GAL3ST3: variants seen among roughly 807,000 people sequenced by gnomAD.
GAL3ST3 encodes galactose-3-O-sulfotransferase 3, also known as beta-galactose-3-O-sulfotransferase 3.
GAL3ST3 carries 21 observed loss-of-function variants against 20.8 expected under a neutral mutation model. The ratio of observed to expected loss-of-function variants is 1.01; its 90% CI spans 0.72 to 1.45. The LOEUF (loss-of-function observed/expected upper bound fraction) is 1.45, where lower values mean the gene tolerates loss of function less well. Among genes scored for constraint, GAL3ST3 ranks in the 40% most tolerant of loss-of-function variants. The probability of loss-of-function intolerance (pLI) is 0.00; values close to 1 mark genes in which losing one functional copy is unlikely to be tolerated. For missense variants in GAL3ST3, 739 were observed against 662.7 expected, an observed-to-expected ratio of 1.12 and a Z score of -1.26; for synonymous variants, 355 against 307.2, an observed-to-expected ratio of 1.16 and a Z score of -1.63.
In GAL3ST3 at chr11:66,042,698, G is replaced by A; in HGVS notation, c.1105C>T (p.Leu369=). The change falls in exon 3 of 3, where the codon CTG becomes TTG. Residue 369 remains leucine, a synonymous_variant. Transcript: ENST00000312006. ...GCCGGGCCGGCGCCGCCGCCGGGCA[G>A]GTCATAGCCCATAATGTCCACCTTG... ...SRKVDIMGYD[L]PGGGAGPATE... is the part of the protein sequence containing the mutation. The A allele has an allele frequency of 3.3e-6, 5 of 1,534,104 alleles. No individual in the cohort carries two copies. The highest frequency in any genetic ancestry group is 2.5e-5 in the East Asian group (1 of 40,790).
rs1011055536 is a variant in GAL3ST3, at chr11:66,040,884, C to T, written c.*1623G>A. Among the ~76,000 whole-genome samples, 3 of 152,162 alleles carry T rather than the reference C, an allele frequency of 2.0e-5. No homozygotes were observed. The highest frequency in any genetic ancestry group is 6.5e-5 in the Admixed American group (1 of 15,270). On this transcript the variant is annotated 3_prime_UTR_variant, in exon 3 of 3. Transcript: ENST00000312006. ...AAAGTGGGGTGCCATACAAACAGTC[C>T]CTTTTCAAGCCCAGCGTGTCATGCA...
chr11:66,042,917 C>A lies in GAL3ST3; in HGVS notation c.886G>T (p.Gly296Cys). The change falls in exon 3 of 3, where the codon GGC becomes TGC. Residue 296 changes from glycine (G) to cysteine (C), a missense_variant. By Grantham distance (159) the Gly-to-Cys change is radical (BLOSUM62 -3). Coordinates refer to ENST00000312006, the MANE Select transcript of GAL3ST3 (RefSeq NM_033036.3). Reference protein sequence around the residue: ...AARTWNALDAGLYDHFNATFW... With the variant: ...AARTWNALDACLYDHFNATFW... Reference sequence around the variant, plus strand: ...GTGGCGTTGAAGTGGTCGTAGAGGCCGGCGTCCAGGGCGTTCCAGGTGCGC... The same window carrying A: ...GTGGCGTTGAAGTGGTCGTAGAGGCAGGCGTCCAGGGCGTTCCAGGTGCGC... 8.2e-7 allele frequency: 1 copy of A among 1,226,962 alleles called. No homozygotes were observed. 76.0% of individuals were successfully genotyped at this position (1,226,962 alleles called of 1,614,324 possible).
Position 66,043,360 on chromosome 11 carries a change from A to G in GAL3ST3, c.443T>C (p.Val148Ala). Reference sequence around the variant, plus strand: ...GGCGGCCGGCTCGCGCAGGATGGTGACATAGACGGTGCTGGGCGGCATGAG... The same window carrying G: ...GGCGGCCGGCTCGCGCAGGATGGTGGCATAGACGGTGCTGGGCGGCATGAG... ...ERLMPPSTVY[V>A]TILREPAAMF... is the part of the protein sequence containing the mutation. The change falls in exon 3 of 3, where the codon GTC becomes GCC. Residue 148 changes from valine to alanine, a missense_variant. Physicochemically the swap from Val to Ala is moderately conservative, Grantham distance 64 (BLOSUM62 0). Coordinates refer to ENST00000312006, the MANE Select transcript of GAL3ST3 (RefSeq NM_033036.3). The G allele has an allele frequency of 6.2e-7, 1 of 1,610,190 alleles. No homozygotes were observed. Among genetic ancestry groups the G allele is most frequent in the Non-Finnish European group, 8.5e-7 (1 of 1,178,606 alleles).
chr11:66,045,859 G>C (rs927358116), intron 1 of GAL3ST3, among the ~76,000 whole-genome samples: 1 of 152,144 alleles, frequency 6.6e-6, no homozygotes, highest in African/African-American at 2.4e-5. Context: ...TAGCGCCAGG[G>C]CTTGGCTCAG....
rs759448535 is a variant in GAL3ST3 at position 66,042,475 on chromosome 11, G to A, written c.*32C>T. The A allele has an allele frequency of 9.3e-5, 132 of 1,426,114 alleles. No individual in the cohort carries two copies. Among genetic ancestry groups the A allele is most frequent in the Middle Eastern group, 2.4e-4 (1 of 4,156 alleles). The allele number at this position is 1,426,114 out of a possible 1,614,324, so 88.3% of individuals were successfully genotyped here. On this transcript the variant is annotated 3_prime_UTR_variant, in exon 3 of 3. Coordinates refer to ENST00000312006, the MANE Select transcript of GAL3ST3 (RefSeq NM_033036.3). ...CTGGCTGGACTCCTGGGAGGGCAGG[G>A]CAGGACCCATACTCCTGGAGGCCTG...
intron 1 of GAL3ST3, among the ~76,000 whole-genome samples, chr11:66,047,813 G>A (rs1856797690): frequency 6.6e-6 from 1 of 152,164 alleles, no homozygotes; most frequent in Non-Finnish European, 1.5e-5. Flanking sequence ...CCCTCCTAGA[G>A]CACATAGAAC....
chr11:66,042,760 A>C lies in GAL3ST3; in HGVS notation c.1043T>G (p.Ile348Ser), dbSNP rs1856722391. 6.5e-7 allele frequency: 1 copy of C among 1,529,098 alleles called. No homozygotes were observed. Among genetic ancestry groups the C allele is most frequent in the Non-Finnish European group, 8.7e-7 (1 of 1,144,042 alleles). The allele number at this position is 1,529,098 out of a possible 1,614,324, so 94.7% of individuals were successfully genotyped here. A position where few individuals can be genotyped will look rare whatever the true frequency, so the allele number is the denominator to read the frequency against. ...DEPLLRPAAQIRTKQLQPWQP... is the reference protein window; with the variant it reads ...DEPLLRPAAQSRTKQLQPWQP... ...CCACGGCTGCAGCTGCTTGGTGCGG[A>C]TCTGCGCGGCAGGCCGCAGCAGTGG... Residue 348 changes from isoleucine (I) to serine (S), a missense_variant, in exon 3 of 3, where the codon ATC becomes AGC. Physicochemically the swap from Ile to Ser is moderately radical, Grantham distance 142. Transcript: ENST00000312006.
chr11:66,042,583 G>A lies in GAL3ST3; in HGVS notation c.1220C>T (p.Ala407Val), dbSNP rs929456424. ...ATTGTCCAGGACGGGCTCGGGCCGA[G>A]CCCGCGCACCGCCCCGGCGCTTCTG... ...RKQKRRGGAR[A>V]RPEPVLDNPP... Residue 407 changes from alanine to valine, a missense_variant, in exon 3 of 3, where the codon GCT becomes GTT. Transcript: ENST00000312006. 5 of 1,534,294 alleles carry A rather than the reference G, an allele frequency of 3.3e-6. No homozygotes were observed. The African/African-American group carries it at 6.9e-5, about 21-fold the overall frequency.
rs1856803111 is a variant in GAL3ST3, at chr11:66,048,345, C to T, written c.-113+666G>A. ...AGCCGACCAAAGCTTTGAAAATGGGCCGGGGTGCCCACCCTCCTAAAGGAG... is the reference window on the plus strand; with the variant it reads ...AGCCGACCAAAGCTTTGAAAATGGGTCGGGGTGCCCACCCTCCTAAAGGAG... On this transcript the variant is annotated intron_variant, in intron 1 of 2. Coordinates refer to ENST00000312006, the MANE Select transcript of GAL3ST3 (RefSeq NM_033036.3). Among the ~76,000 whole-genome samples, 7 of 152,252 alleles carry T rather than the reference C, an allele frequency of 4.6e-5. No individual in the cohort carries two copies. In the South Asian group the frequency reaches 1.5e-3, roughly 32 times the overall value.
rs772531925 is a variant in GAL3ST3, at chr11:66,043,476, G to A, written c.327C>T (p.Arg109=). ...GGTGCACGAAGTGCGCCGAGAAGTTGCGGGGGTAGCAGAACTGGTGCTCGC... is the reference window on the plus strand; with the variant it reads ...GGTGCACGAAGTGCGCCGAGAAGTTACGGGGGTAGCAGAACTGGTGCTCGC... ...PSCEHQFCYP[R]NFSAHFVHPA... is the part of the protein sequence containing the mutation. Residue 109 remains arginine (R), a synonymous_variant, in exon 3 of 3, where the codon CGC becomes CGT. Coordinates refer to ENST00000312006, the MANE Select transcript of GAL3ST3 (RefSeq NM_033036.3). 2 of 1,610,272 alleles carry A rather than the reference G, an allele frequency of 1.2e-6. No homozygotes were observed.
At position 66,043,212 on chromosome 11, in the gene GAL3ST3, G is replaced by A. The variant is rs1427921003; in HGVS notation, c.591C>T (p.Phe197=). The part of the protein sequence containing the change: ...PEAYYRAGEH[F]AMFAHNTLAY... Reference sequence around the variant, plus strand: ...CCAGCGTGTTGTGTGCGAACATGGCGAAGTGCTCGCCAGCGCGGTAGTATG... The same window carrying A: ...CCAGCGTGTTGTGTGCGAACATGGCAAAGTGCTCGCCAGCGCGGTAGTATG... The change falls in exon 3 of 3, where the codon TTC becomes TTT. Residue 197 remains phenylalanine, a synonymous_variant. Transcript: ENST00000312006. The A allele has an allele frequency of 2.5e-6, 4 of 1,612,298 alleles. No homozygotes were observed. Among genetic ancestry groups the A allele is most frequent in the Non-Finnish European group, 3.4e-6 (4 of 1,179,494 alleles).
intron 1 of GAL3ST3, among the ~76,000 whole-genome samples, chr11:66,047,505 A>G (rs868588074): frequency 4.6e-5 from 7 of 152,160 alleles, no homozygotes; most frequent in South Asian, 4.2e-4. Flanking sequence ...ACTTCCCTAC[A>G]TGGCTGAGCT....
chr11:66,045,211 G>GCAAAGCC, intron 2 of GAL3ST3, 80 bp downstream of exon 2: 16 of 1,279,228 alleles, frequency 1.3e-5, no homozygotes, highest in Non-Finnish European at 1.7e-5. Flanking sequence ...GAGGGGAGGA[G>GCAAAGCC]CAAAGCCTAG....
At position 66,043,412 on chromosome 11, in the gene GAL3ST3, G is replaced by C; in HGVS notation, c.391C>G (p.Arg131Gly). The C allele has an allele frequency of 1.9e-6, 3 of 1,609,946 alleles. No individual in the cohort carries two copies. The highest frequency in any genetic ancestry group is 1.7e-6 in the Non-Finnish European group (2 of 1,178,504). Residue 131 changes from arginine to glycine, a missense_variant, in exon 3 of 3, where the codon CGC (arginine) becomes GGC (glycine). Arg to Gly is a moderately radical substitution (Grantham distance 125). Transcript: ENST00000312006. ...RPPHVLASHL[R>G]FDRAELERLM... Reference sequence around the variant, plus strand: ...CGCTCCAGCTCCGCACGGTCGAAGCGCAGGTGGCTGGCCAGCACGTGCGGC... The same window carrying C: ...CGCTCCAGCTCCGCACGGTCGAAGCCCAGGTGGCTGGCCAGCACGTGCGGC...
At position 66,045,427 on chromosome 11, in the gene GAL3ST3, C is replaced by A; in HGVS notation, c.-12G>T. 2 of 1,584,606 alleles carry A rather than the reference C, an allele frequency of 1.3e-6. No homozygotes were observed. Among genetic ancestry groups the A allele is most frequent in the Non-Finnish European group, 1.7e-6 (2 of 1,165,658 alleles). ...AGGATGGGTGGCATGGCGGAGTACC[C>A]ACCCCTGGACCAGCCAGGGCCTCAC... On this transcript the variant is annotated 5_prime_UTR_variant, in exon 2 of 3. Coordinates refer to ENST00000312006, the MANE Select transcript of GAL3ST3 (RefSeq NM_033036.3).
In GAL3ST3 at chr11:66,042,321, C is replaced by T. The variant is rs1160041594; in HGVS notation, c.*186G>A. The T allele has an allele frequency of 7.4e-6, 4 of 542,858 alleles. No homozygotes were observed. Among genetic ancestry groups the T allele is most frequent in the South Asian group, 2.7e-5 (1 of 36,606 alleles). 33.6% of individuals were successfully genotyped at this position (542,858 alleles called of 1,614,324 possible). On this transcript the variant is annotated 3_prime_UTR_variant, in exon 3 of 3. Transcript: ENST00000312006. ...GGATCCAGCCTATCAGCGCCGTGCC[C>T]GAAGGCAAGGTTCAGCCCACGATCG...
chr11:66,045,425 C>T lies in GAL3ST3; in HGVS notation c.-10G>A. On this transcript the variant is annotated 5_prime_UTR_variant, in exon 2 of 3. Coordinates refer to ENST00000312006, the MANE Select transcript of GAL3ST3 (RefSeq NM_033036.3). ...GGAGGATGGGTGGCATGGCGGAGTACCCACCCCTGGACCAGCCAGGGCCTC... is the reference window on the plus strand; with the variant it reads ...GGAGGATGGGTGGCATGGCGGAGTATCCACCCCTGGACCAGCCAGGGCCTC... The T allele has an allele frequency of 6.3e-7, 1 of 1,592,670 alleles. No individual in the cohort carries two copies. The highest frequency in any genetic ancestry group is 8.6e-7 in the Non-Finnish European group (1 of 1,169,324).
In GAL3ST3 at chr11:66,043,373, T is replaced by G; in HGVS notation, c.430A>C (p.Ser144Arg). The G allele has an allele frequency of 6.2e-7, 1 of 1,610,214 alleles. No individual in the cohort carries two copies. Residue 144 changes from serine to arginine, a missense_variant, in exon 3 of 3, where the codon AGC (serine) becomes CGC (arginine). Physicochemically the swap from Ser to Arg is moderately radical, Grantham distance 110 (BLOSUM62 -1). Coordinates refer to ENST00000312006, the MANE Select transcript of GAL3ST3 (RefSeq NM_033036.3). ...CGCAGGATGGTGACATAGACGGTGC[T>G]GGGCGGCATGAGGCGCTCCAGCTCC... ...RAELERLMPP[S>R]TVYVTILREP...
Position 66,045,493 on chromosome 11 carries a change from C to T in GAL3ST3, c.-78G>A. On this transcript the variant is annotated 5_prime_UTR_variant, in exon 2 of 3. Coordinates refer to ENST00000312006, the MANE Select transcript of GAL3ST3 (RefSeq NM_033036.3). ...TCACAGGCACTCATGGGGGATCCTGCGGCTCTGGTAGCAGGGCCAGTGTTC... is the reference window on the plus strand; with the variant it reads ...TCACAGGCACTCATGGGGGATCCTGTGGCTCTGGTAGCAGGGCCAGTGTTC... 2.1e-6 allele frequency: 3 copies of T among 1,426,186 alleles called. No homozygotes were observed. The highest frequency in any genetic ancestry group is 3.0e-5 in the South Asian group (2 of 65,890). 88.3% of individuals were successfully genotyped at this position (1,426,186 alleles called of 1,614,324 possible).
Sources: gnomAD v4.1 joint callset for allele counts (sites outside exome capture counted in the v4.1 genomes callset) on GRCh38, gnomAD v4.1.1 for gene constraint, MANE v1.5 for transcripts, NCBI Gene and HGNC (gene_info 2026-07-23, HGNC 2026-07-21) for gene names.